Variants in WDFY3 observed in about 807,000 individuals in gnomAD.
The protein encoded by WDFY3 is WD repeat and FYVE domain-containing protein 3.
Under a neutral mutation model 409.6 loss-of-function variants are expected in WDFY3, and 66 were observed. That is an observed-to-expected ratio of 0.16 (90% CI 0.13 to 0.20). WDFY3 has a LOEUF of 0.20. Among genes scored for constraint, WDFY3 ranks in the 10% least tolerant of loss-of-function variants. WDFY3 has a pLI of 1.00. For synonymous variants in WDFY3, 1,521 were observed against 1,537.1 expected, an observed-to-expected ratio of 0.99 and a Z score of 0.25; for missense variants, 3,031 against 4,298.1, an observed-to-expected ratio of 0.71 and a Z score of 8.24.
At chr4:84,921,627 C>T (rs931409348) in intron 2 of WDFY3, among the ~76,000 whole-genome samples, 3 of 148,458 alleles carry the variant, frequency 2.0e-5, no homozygotes, top group Non-Finnish European at 3.0e-5. Context: ...AAATATGGAA[C>T]CAAGTCTCTA....
chr4:84,710,650 G>A (rs959861308), intron 51 of WDFY3, among the ~76,000 whole-genome samples: 2 of 152,136 alleles, frequency 1.3e-5, no homozygotes, highest in African/African-American at 4.8e-5. Context: ...CTTCAACATC[G>A]TAAGAAAGAG....
intron 5 of WDFY3, 51 bp downstream of exon 5, chr4:84,849,851 A>C: frequency 6.3e-7 from 1 of 1,599,780 alleles, no homozygotes; most frequent in Non-Finnish European, 8.5e-7. Context: ...CTTTTACAGA[A>C]CTGCTTGTTC....
rs1207612704 is a variant in WDFY3, at chr4:84,787,578, G to T, written c.3805C>A (p.His1269Asn). 3 of 1,614,090 alleles carry T rather than the reference G, an allele frequency of 1.9e-6. No homozygotes were observed. The African/African-American group carries it at 4.0e-5, about 22-fold the overall frequency. ...ASLVWRLGPT[H>N]FLEEVLPSSN... is the part of the protein sequence containing the mutation. ...GAAGGTAAAACTTCTTCTAGAAAAT[G>T]TGTGGGTCCCAGGCGCCAAACCAAT... Residue 1269 changes from histidine to asparagine, a missense_variant, in exon 23 of 68, where the codon CAT (histidine) becomes AAT (asparagine). Transcript: ENST00000295888.
chr4:84,898,249 G>A (rs1238922140), intron 2 of WDFY3, among the ~76,000 whole-genome samples: 1 of 152,132 alleles, frequency 6.6e-6, no homozygotes, highest in African/African-American at 2.4e-5. Flanking sequence ...ATTGGACAAT[G>A]CTGGCTTGGG....
At chr4:84,706,754 G>C (rs1200744714) in intron 53 of WDFY3, among the ~76,000 whole-genome samples, 1 of 151,888 alleles carries the variant, frequency 6.6e-6, no homozygotes, top group Non-Finnish European at 1.5e-5. Flanking sequence ...AGGTCAGGCT[G>C]TATGTGAAAA....
At chr4:84,688,040 A>G in intron 62 of WDFY3, 46 bp downstream of exon 62, 1 of 1,579,978 alleles carries the variant, frequency 6.3e-7, no homozygotes, top group Non-Finnish European at 8.6e-7. Flanking sequence ...GAGTTTGGCC[A>G]AGACTACTTG....
intron 1 of WDFY3, among the ~76,000 whole-genome samples, chr4:84,951,895 T>C (rs778140932): frequency 2.4e-4 from 36 of 152,264 alleles, no homozygotes; most frequent in African/African-American, 6.7e-4. Context: ...TCTATCAACA[T>C]TGGCAAGCCA....
chr4:84,853,850 T>A (rs969252218), intron 4 of WDFY3, among the ~76,000 whole-genome samples: 1 of 152,192 alleles, frequency 6.6e-6, no homozygotes, highest in Non-Finnish European at 1.5e-5. Context: ...AAGCATTGCT[T>A]CTTAAATAAG....
chr4:84,785,867 G>T, intron 24 of WDFY3, 112 bp downstream of exon 24: 2 of 1,325,252 alleles, frequency 1.5e-6, no homozygotes, highest in Non-Finnish European at 2.1e-6. Flanking sequence ...AACAATACAT[G>T]AAAGGCATGA....
At chr4:84,715,231 C>G (rs944835877) in intron 50 of WDFY3, 67 bp downstream of exon 50, 5 of 847,842 alleles carry the variant, frequency 5.9e-6, no homozygotes, top group Non-Finnish European at 9.1e-6. Flanking sequence ...ACCAGCAAAA[C>G]TGAGAAAAGA....
chr4:84,909,257 A>G (rs1259843523), intron 2 of WDFY3, among the ~76,000 whole-genome samples: 1 of 152,170 alleles, frequency 6.6e-6, no homozygotes, highest in East Asian at 1.9e-4. Context: ...AAACTAAAAT[A>G]CATTTTAAAA....
At chr4:84,713,037 T>A in intron 51 of WDFY3, 122 bp downstream of exon 51, 1 of 983,602 alleles carries the variant, frequency 1.0e-6, no homozygotes, top group African/African-American at 1.6e-5. Context: ...CAGTATTTTT[T>A]TAAAAAAATT....
intron 66 of WDFY3, 43 bp downstream of exon 66, chr4:84,678,125 T>C (rs1172454819): frequency 6.6e-7 from 1 of 1,508,358 alleles, no homozygotes; most frequent in African/African-American, 1.4e-5. Context: ...GCTAACCAAA[T>C]GACTCAGATG....
intron 62 of WDFY3, among the ~76,000 whole-genome samples, chr4:84,685,709 G>A (rs1728198264): frequency 6.6e-6 from 1 of 152,076 alleles, no homozygotes; most frequent in East Asian, 1.9e-4. Flanking sequence ...GATATTGGTT[G>A]GAGAAACACA....
intron 2 of WDFY3, among the ~76,000 whole-genome samples, chr4:84,923,285 T>G (rs547754969): frequency 4.6e-5 from 7 of 152,260 alleles, no homozygotes; most frequent in Admixed American, 3.3e-4. Context: ...TCATCAAGAA[T>G]AAAAAGATGA....
intron 44 of WDFY3, among the ~76,000 whole-genome samples, chr4:84,730,676 A>T (rs1328171405): frequency 1.3e-5 from 2 of 152,222 alleles, no homozygotes; most frequent in Admixed American, 6.5e-5. Flanking sequence ...TCTATAGAGC[A>T]TCTAGCTCAG....
In WDFY3 at chr4:84,679,187, G is replaced by C; in HGVS notation, c.9879C>G (p.Ile3293Met). ...TTGGAGTGTCCTTAGGGTCCTGGCT[G>C]ATGCTCTGCTCATCTGCTTCTGAAT... ...SSDSEADEQS[I>M]SQDPKDTPSQ... Residue 3293 changes from isoleucine (I) to methionine (M), a missense_variant, in exon 65 of 68, where the codon ATC becomes ATG. Coordinates refer to ENST00000295888, the MANE Select transcript of WDFY3 (RefSeq NM_014991.6). 1.9e-6 allele frequency: 3 copies of C among 1,604,686 alleles called. No homozygotes were observed. The highest frequency in any genetic ancestry group is 2.6e-6 in the Non-Finnish European group (3 of 1,174,190).
chr4:84,768,084 A>G (rs950430937), intron 30 of WDFY3, among the ~76,000 whole-genome samples: 3 of 152,206 alleles, frequency 2.0e-5, no homozygotes, highest in African/African-American at 7.2e-5. Flanking sequence ...CCCTGTCTCA[A>G]AAACAAATAG....
rs376110955 is a variant in WDFY3 at position 84,702,513 on chromosome 4, G to A, written c.8443-7C>T. ...CCAGGTCAAAGTGGCCACCCTGTGG[G>A]CAGAATAAGACACCTCTCTATTAGA... is the stretch of plus-strand genomic sequence containing the variant. On this transcript the variant is annotated splice_polypyrimidine_tract_variant and splice_region_variant and intron_variant, in intron 55 of 67. Transcript: ENST00000295888. The A allele has an allele frequency of 5.0e-6, 8 of 1,598,686 alleles. No individual in the cohort carries two copies. The highest frequency in any genetic ancestry group is 4.5e-5 in the East Asian group (2 of 44,376).
Sources: gnomAD v4.1 joint callset for allele counts (sites outside exome capture counted in the v4.1 genomes callset) on GRCh38, gnomAD v4.1.1 for gene constraint, MANE v1.5 for transcripts, NCBI Gene and HGNC (gene_info 2026-07-23, HGNC 2026-07-21) for gene names.